ZNF708: variants seen among roughly 807,000 people sequenced by gnomAD.
ZNF708 encodes the protein zinc finger protein 708.
ZNF708 carries 44 observed loss-of-function variants against 47.0 expected under a neutral mutation model. The ratio of observed to expected loss-of-function variants is 0.94; its 90% CI spans 0.74 to 1.20. ZNF708 has a LOEUF of 1.20. ZNF708 is among the 50% of genes most tolerant of loss of function. ZNF708 has a pLI of 0.00. For missense variants in ZNF708, 557 were observed against 656.0 expected (o/e 0.85, Z 1.65); for synonymous variants, 184 against 218.5 (o/e 0.84, Z 1.39).
In ZNF708 at chr19:21,294,674, C is replaced by G; in HGVS notation, c.292G>C (p.Val98Leu). 5 of 1,613,880 alleles carry G rather than the reference C, an allele frequency of 3.1e-6. No individual in the cohort carries two copies. The highest frequency in any genetic ancestry group is 4.2e-6 in the Non-Finnish European group (5 of 1,179,912). ...CATTTTCCATATCTTCTCAGTATCA[C>G]TTGTTGGAAAGAATTTTTTATATAT... ...EQYIKNSFQQ[V>L]ILRRYGKCGY... Residue 98 changes from valine to leucine, a missense_variant, in exon 4 of 4, where the codon GTG (valine) becomes CTG (leucine). By Grantham distance (32) the Val-to-Leu change is conservative. Transcript: ENST00000356929.
chr19:21,311,421 G>A (rs943048456), intron 1 of ZNF708, among the ~76,000 whole-genome samples: 11 of 151,194 alleles, frequency 7.3e-5, no homozygotes, highest in South Asian at 2.1e-4. Context: ...AACATCAACT[G>A]CACTAGGACA....
At chr19:21,319,546 T>C (rs555596) in intron 1 of ZNF708, among the ~76,000 whole-genome samples, 144,535 of 151,934 alleles carry the variant, frequency 0.95, 69,008 homozygotes, top group Middle Eastern at 1. Flanking sequence ...CTCTGCCTTC[T>C]GGGTTTGAGG....
Position 21,328,185 on chromosome 19 carries a change from TA to T in ZNF708, c.3+1024del, listed in dbSNP as rs72487226. On this transcript the variant is annotated intron_variant, in intron 1 of 3. Transcript: ENST00000356929. ...ATAAGATTTCTGTGCCTGAGGAAGA[TA>T]AAAAAAAAAAAGCCATAGAAATTTC... 1,151 of 151,578 alleles carry T rather than the reference TA, an allele frequency of 7.6e-3. 3 individuals are homozygous for T. The highest frequency in any genetic ancestry group is 0.011 in the Non-Finnish European group (836 of 74,006). The allele number at this position is 151,578 out of a possible 1,614,324, so 9.4% of individuals were successfully genotyped here. A position where few individuals can be genotyped will look rare whatever the true frequency, so the allele number is the denominator to read the frequency against.
chr19:21,298,425 G>A (rs1188840758), intron 3 of ZNF708, among the ~76,000 whole-genome samples: 1 of 146,578 alleles, frequency 6.8e-6, no homozygotes, highest in Admixed American at 6.9e-5. Flanking sequence ...TGAGTGTGCT[G>A]TTGTTCAAAG....
intron 3 of ZNF708, among the ~76,000 whole-genome samples, chr19:21,301,020 G>A (rs902145024): frequency 6.6e-6 from 1 of 151,814 alleles, no homozygotes; most frequent in Non-Finnish European, 1.5e-5. Flanking sequence ...GTGTGAGGTG[G>A]CATAACCTAA....
At chr19:21,329,080 G>C (rs770119789) in intron 1 of ZNF708, 130 bp downstream of exon 1, 139 of 1,402,514 alleles carry the variant, frequency 9.9e-5, no homozygotes, top group Non-Finnish European at 1.3e-4. Context: ...CTGAGGCCGA[G>C]CTAGGCAAGG....
At chr19:21,316,725 T>C (rs915015673) in intron 1 of ZNF708, among the ~76,000 whole-genome samples, 16 of 151,386 alleles carry the variant, frequency 1.1e-4, no homozygotes, top group Admixed American at 8.5e-4. Context: ...GAGGCTGAGA[T>C]GGGTGGATCA....
At chr19:21,295,607 T>C (rs1972512554) in intron 3 of ZNF708, among the ~76,000 whole-genome samples, 1 of 152,104 alleles carries the variant, frequency 6.6e-6, no homozygotes, top group Admixed American at 6.6e-5. Context: ...TAGCTGGGCA[T>C]GGTGGCACAT....
In ZNF708 at chr19:21,294,361, C is replaced by A. The variant is rs1568343895; in HGVS notation, c.605G>T (p.Gly202Val). The stretch of plus-strand genomic sequence containing the variant: ...GTTTGAGGACTTTTTAAAAGCTTTG[C>A]CACATTCTTCACATTTGTAGGGTTT... ...GEKPYKCEEC[G>V]KAFKKSSNLT... The change falls in exon 4 of 4, where the codon GGC (glycine) becomes GTC (valine). Residue 202 changes from glycine to valine, a missense_variant. Transcript: ENST00000356929. 1 of 1,613,802 alleles carries A rather than the reference C, an allele frequency of 6.2e-7. No individual in the cohort carries two copies.
At chr19:21,316,133 C>CT (rs544312163) in intron 1 of ZNF708, among the ~76,000 whole-genome samples, 56,375 of 105,256 alleles carry the variant, frequency 0.54, 15,947 homozygotes, top group African/African-American at 0.66. Context: ...TTTCTTTTTT[C>CT]TTTTTTTTTT....
At chr19:21,294,879 T>C in intron 3 of ZNF708, 140 bp from the exon 4 acceptor site, 1 of 856,636 alleles carries the variant, frequency 1.2e-6, no homozygotes, top group East Asian at 2.8e-5. Context: ...CATATAAATG[T>C]AACAAAAGCA....
At chr19:21,327,634 G>C (rs1157222116) in intron 1 of ZNF708, among the ~76,000 whole-genome samples, 2 of 151,996 alleles carry the variant, frequency 1.3e-5, no homozygotes, top group African/African-American at 2.4e-5. Context: ...CCTCTCAGGA[G>C]ACATTACACT....
At chr19:21,297,265 T>TAC in intron 3 of ZNF708, among the ~76,000 whole-genome samples, 1 of 14,726 alleles carries the variant, frequency 6.8e-5, no homozygotes, top group African/African-American at 2.2e-4. Context: ...TATATATATA[T>TAC]ATATATTTTT....
At chr19:21,304,024 C>A (rs547663488) in intron 3 of ZNF708, among the ~76,000 whole-genome samples, 11 of 152,146 alleles carry the variant, frequency 7.2e-5, no homozygotes, top group Middle Eastern at 3.4e-3. Flanking sequence ...AAAACTCAGA[C>A]ATTATAGACT....
chr19:21,293,823 A>G lies in ZNF708; in HGVS notation c.1143T>C (p.Asn381=). The change falls in exon 4 of 4, where the codon AAT becomes AAC. Residue 381 remains asparagine, a synonymous_variant. Transcript: ENST00000356929. ...KAFNRSSHLT[N]HKVIHTGEKP... ...TCTCTCCAGTATGAATTACCTTATG[A>G]TTAGTAAGGTGTGAGGACCGGTTAA... 6 of 1,603,668 alleles carry G rather than the reference A, an allele frequency of 3.7e-6. No homozygotes were observed. In the South Asian group the frequency reaches 6.6e-5, roughly 18 times the overall value.
At chr19:21,298,411 C>A (rs761649341) in intron 3 of ZNF708, among the ~76,000 whole-genome samples, 1 of 149,882 alleles carries the variant, frequency 6.7e-6, no homozygotes, top group Admixed American at 6.7e-5. Context: ...GAACAACACA[C>A]TTTTGAGTGT....
At position 21,310,489 on chromosome 19, in the gene ZNF708, A is replaced by T. The variant is rs1483373169; in HGVS notation, c.130+12T>A. 1 of 1,316,104 alleles carries T rather than the reference A, an allele frequency of 7.6e-7. No individual in the cohort carries two copies. Among genetic ancestry groups the T allele is most frequent in the Non-Finnish European group, 9.8e-7 (1 of 1,016,422 alleles). The allele number at this position is 1,316,104 out of a possible 1,614,324, so 81.5% of individuals were successfully genotyped here. A position where few individuals can be genotyped will look rare whatever the true frequency, so the allele number is the denominator to read the frequency against. ...AATAATAAAAATTAAAAAAAAAAAA[A>T]CTTATCCTCACCCAGGAATACCAGG... is the stretch of plus-strand genomic sequence containing the variant. On this transcript the variant is annotated intron_variant, in intron 2 of 3. Transcript: ENST00000356929.
intron 1 of ZNF708, among the ~76,000 whole-genome samples, chr19:21,321,299 C>A (rs1030145741): frequency 1.3e-5 from 2 of 151,560 alleles, no homozygotes; most frequent in Non-Finnish European, 2.9e-5. Flanking sequence ...GGTGGAAAAA[C>A]AAAGAGGGTG....
intron 3 of ZNF708, among the ~76,000 whole-genome samples, chr19:21,307,136 AATAAAATAAAATAAAATATAAT>A (rs974718645): frequency 3.6e-5 from 5 of 137,958 alleles, no homozygotes; most frequent in Admixed American, 7.4e-5. Context: ...TAAAAAATAA[AATAAAATAAAATAAAATATAAT>A]ATAAAATAAA....
Sources: allele counts gnomAD v4.1 joint callset (sites outside exome capture counted in the v4.1 genomes callset), GRCh38; gene constraint gnomAD v4.1.1; transcripts MANE v1.5; gene names NCBI Gene and HGNC (gene_info 2026-07-23, HGNC 2026-07-21).